The following CSDE1 variants were observed in gnomAD, a reference collection of about 807,000 sequenced individuals.
CSDE1 encodes cold shock domain containing E1.
CSDE1 carries 17 observed loss-of-function variants against 89.3 expected under a neutral mutation model. The observed-to-expected ratio is 0.19, with a 90% CI of 0.13 to 0.29. The LOEUF is 0.29. Among genes scored for constraint, CSDE1 ranks in the 10% least tolerant of loss-of-function variants. The probability of loss-of-function intolerance (pLI) is 1.00; values close to 1 mark genes in which losing one functional copy is unlikely to be tolerated. For synonymous variants in CSDE1, 322 were observed against 332.8 expected (o/e 0.97, Z 0.35); for missense variants, 672 against 984.2 (o/e 0.68, Z 4.24).
intron 16 of CSDE1, among the ~76,000 whole-genome samples, chr1:114,721,648 T>G (rs1284219461): frequency 2.6e-5 from 4 of 152,182 alleles, no homozygotes; most frequent in Admixed American, 2.6e-4. Context: ...TGGAGTGCAG[T>G]GGCGATCAAC....
chr1:114,730,364 G>C lies in CSDE1; in HGVS notation c.1250C>G (p.Thr417Arg). Residue 417 changes from threonine to arginine, a missense_variant, in exon 12 of 20, where the codon ACG becomes AGG. Thr to Arg is a moderately conservative substitution (Grantham distance 71). Around this residue, in one of 8 missense-constraint regions of CSDE1, gnomAD observed 169 missense variants for 262.9 expected, o/e 0.64. Coordinates refer to ENST00000358528, the MANE Select transcript of CSDE1 (RefSeq NM_001007553.3). Reference protein sequence around the residue: ...AIRIKKLPKGTVSFHSHSDHR... With the variant: ...AIRIKKLPKGRVSFHSHSDHR... ...ATCTGAATGGGAATGAAATGAAACC[G>C]TGCCCTTGGGAAGTTTTTTAATCCT... The C allele has an allele frequency of 6.2e-7, 1 of 1,614,096 alleles. No homozygotes were observed. The highest frequency in any genetic ancestry group is 8.5e-7 in the Non-Finnish European group (1 of 1,179,980).
chr1:114,719,443 C>A, intron 18 of CSDE1, 136 bp downstream of exon 18: 1 of 933,824 alleles, frequency 1.1e-6, no homozygotes, highest in Non-Finnish European at 1.5e-6. Context: ...TTTTTGTATT[C>A]AACTAGAAGT....
At chr1:114,735,207 G>A (rs1660335048) in intron 6 of CSDE1, among the ~76,000 whole-genome samples, 2 of 152,132 alleles carry the variant, frequency 1.3e-5, no homozygotes, top group Non-Finnish European at 1.5e-5. Flanking sequence ...ATTCAATTTT[G>A]TTTTTAAGAT....
chr1:114,736,877 T>C (rs1449512412), intron 5 of CSDE1, 22 bp from the exon 6 acceptor site: 2 of 1,565,058 alleles, frequency 1.3e-6, no homozygotes, highest in Admixed American at 1.7e-5. Context: ...TAAATCATTA[T>C]TACTATTTTG....
In CSDE1 at chr1:114,730,704, C is replaced by T. The variant is rs192830201; in HGVS notation, c.1051-56G>A. The stretch of plus-strand genomic sequence containing the variant: ...TGAAACTTGTCAAGAAGGCAACATT[C>T]AACTTTACAACCACCATCAAGTTAA... On this transcript the variant is annotated intron_variant, in intron 10 of 19. Coordinates refer to ENST00000358528, the MANE Select transcript of CSDE1 (RefSeq NM_001007553.3). The T allele has an allele frequency of 5.4e-5, 85 of 1,588,456 alleles. No individual in the cohort carries two copies. In the African/African-American group the frequency reaches 9.8e-4, roughly 18 times the overall value.
rs756584711 is a variant in CSDE1, at chr1:114,718,663, C to A, written c.2299G>T (p.Ala767Ser). 1.1e-5 allele frequency: 18 copies of A among 1,614,094 alleles called. No individual in the cohort carries two copies. The South Asian group carries it at 1.9e-4, about 17-fold the overall frequency. The change falls in exon 19 of 20, where the codon GCT becomes TCT. Residue 767 changes from alanine (A) to serine (S), a missense_variant. By Grantham distance (99) the Ala-to-Ser change is moderately conservative. This residue lies in a region of CSDE1 where 206 missense variants were observed against 332.4 expected (regional missense o/e 0.62). Transcript: ENST00000358528. ...LKNITLDDAS[A>S]PRLMVLRQPR... ...TGACGAAGAACCATTAGGCGAGGAG[C>A]ACTGGCATCATCCAGAGTGATATTC... is the stretch of plus-strand genomic sequence containing the variant.
At chr1:114,736,902 C>G (rs1248179686) in intron 5 of CSDE1, 47 bp from the exon 6 acceptor site, 2 of 1,398,192 alleles carry the variant, frequency 1.4e-6, no homozygotes, top group Non-Finnish European at 2.0e-6. Flanking sequence ...GATGCATATT[C>G]ACTGTATACT....
chr1:114,736,685 C>G, intron 6 of CSDE1, 73 bp downstream of exon 6: 1 of 868,626 alleles, frequency 1.2e-6, no homozygotes, highest in Non-Finnish European at 1.8e-6. Flanking sequence ...GTTTTTAACT[C>G]TATTCAAATT....
chr1:114,732,716 C>T lies in CSDE1; in HGVS notation c.938G>A (p.Gly313Asp). 1 of 1,614,116 alleles carries T rather than the reference C, an allele frequency of 6.2e-7. No homozygotes were observed. The highest frequency in any genetic ancestry group is 1.1e-5 in the South Asian group (1 of 91,082). The change falls in exon 10 of 20, where the codon GGT (glycine) becomes GAT (aspartate). Residue 313 changes from glycine to aspartate, a missense_variant. This residue lies in a region of CSDE1 where 169 missense variants were observed against 262.9 expected (regional missense o/e 0.64). Transcript: ENST00000358528. Reference protein sequence around the residue: ...DTKSKVTLLEGDHVRFNISTD... With the variant: ...DTKSKVTLLEDDHVRFNISTD... Reference sequence around the variant, plus strand: ...TGAAATATTAAACCTAACATGGTCACCTTCCAGCAGGGTCACCTTGGATTT... The same window carrying T: ...TGAAATATTAAACCTAACATGGTCATCTTCCAGCAGGGTCACCTTGGATTT...
In CSDE1 at chr1:114,738,002, T is replaced by G; in HGVS notation, c.270A>C (p.Ile90=). The G allele has an allele frequency of 6.2e-7, 1 of 1,614,070 alleles. No homozygotes were observed. Among genetic ancestry groups the G allele is most frequent in the African/African-American group, 1.3e-5 (1 of 75,054 alleles). The change falls in exon 4 of 20, where the codon ATA becomes ATC. Residue 90 remains isoleucine, a synonymous_variant. Coordinates refer to ENST00000358528, the MANE Select transcript of CSDE1 (RefSeq NM_001007553.3). ...GKPIAVKLVK[I]KQEILPEERM... is the part of the protein sequence containing the mutation. ...GTTCTTCAGGGAGGATTTCTTGTTT[T>G]ATCTTCACCAGTTTAACAGCAATGG...
rs369567918 is a variant in CSDE1 at position 114,743,510 on chromosome 1, TA to T, written c.1-3621del. On this transcript the variant is annotated intron_variant, in intron 2 of 19. Coordinates refer to ENST00000358528, the MANE Select transcript of CSDE1 (RefSeq NM_001007553.3). ...GAGCCACTGCACTTGGCCTCATGTT[TA>T]GACTATAGTTCTGATTACTATTAAA... 8.5e-3 allele frequency among the ~76,000 whole-genome samples: 1,299 copies of T among 152,318 alleles called. 17 individuals carry two copies. Among genetic ancestry groups the T allele is most frequent in the African/African-American group, 0.029 (1,222 of 41,570 alleles).
intron 12 of CSDE1, among the ~76,000 whole-genome samples, chr1:114,729,289 T>C (rs1032400240): frequency 5.9e-5 from 9 of 151,864 alleles, no homozygotes; most frequent in Non-Finnish European, 1.0e-4. Context: ...TTAGTAGAGA[T>C]GGGGTTTCAC....
chr1:114,724,235 T>C (rs1304029662), intron 15 of CSDE1: 1 of 333,978 alleles, frequency 3.0e-6, no homozygotes, highest in Non-Finnish European at 5.5e-6. Flanking sequence ...TTAAATAAAA[T>C]TGTTTAAGGA....
chr1:114,723,825 T>C (rs199514998), intron 16 of CSDE1, 58 bp downstream of exon 16: 359 of 1,608,738 alleles, frequency 2.2e-4, no homozygotes, highest in Non-Finnish European at 2.8e-4. Context: ...TAAAACTTTA[T>C]AGGTGCTCAT....
At chr1:114,743,768 C>T (rs1053342632) in intron 2 of CSDE1, among the ~76,000 whole-genome samples, 6 of 152,186 alleles carry the variant, frequency 3.9e-5, no homozygotes, top group Non-Finnish European at 7.3e-5. Context: ...TTCGAGTCTC[C>T]GTCTCATCCC....
At chr1:114,726,457 AC>A in intron 13 of CSDE1, 71 bp from the exon 14 acceptor site, 1 of 1,219,458 alleles carries the variant, frequency 8.2e-7, no homozygotes, top group Non-Finnish European at 1.1e-6. Context: ...AGAAAACAAG[AC>A]CTATAACTCC....
At chr1:114,737,387 A>T in intron 5 of CSDE1, 84 bp downstream of exon 5, 1 of 1,102,194 alleles carries the variant, frequency 9.1e-7, no homozygotes, top group Non-Finnish European at 1.3e-6. Flanking sequence ...ATTGCAGCTT[A>T]CGTTTTCTAT....
intron 2 of CSDE1, among the ~76,000 whole-genome samples, chr1:114,740,232 G>T (rs934649134): frequency 1.3e-5 from 2 of 152,094 alleles, no homozygotes; most frequent in Admixed American, 1.3e-4. Flanking sequence ...CAGAACAAAG[G>T]TAATTAATAT....
chr1:114,732,775 G>T lies in CSDE1; in HGVS notation c.879C>A (p.Ile293=). The change falls in exon 10 of 20, where the codon ATC becomes ATA. Residue 293 remains isoleucine (I), a synonymous_variant. Coordinates refer to ENST00000358528, the MANE Select transcript of CSDE1 (RefSeq NM_001007553.3). ...LPGRIKVDFV[I]PKELPFGDKD... ...TGTCTCCAAAGGGAAGTTCTTTAGG[G>T]ATCACAAAGTCAACTTTGATGCGTC... 2 of 1,614,156 alleles carry T rather than the reference G, an allele frequency of 1.2e-6. No individual in the cohort carries two copies. Among genetic ancestry groups the T allele is most frequent in the Non-Finnish European group, 1.7e-6 (2 of 1,180,030 alleles).
Sources: allele counts gnomAD v4.1 joint callset (sites outside exome capture counted in the v4.1 genomes callset), GRCh38; gene constraint gnomAD v4.1.1; regional missense constraint gnomAD v4.1.1; transcripts MANE v1.5; gene names NCBI Gene and HGNC (gene_info 2026-07-23, HGNC 2026-07-21).